DTNB: variants seen among roughly 807,000 people sequenced by gnomAD.
The protein encoded by DTNB is dystrobrevin beta.
Under a neutral mutation model 90.7 loss-of-function variants are expected in DTNB, and 63 were observed. That is an observed-to-expected ratio of 0.69 (90% CI 0.57 to 0.86). The LOEUF (loss-of-function observed/expected upper bound fraction) is 0.86, where lower values mean the gene tolerates loss of function less well. Ranked by LOEUF, DTNB falls within the 40% of genes least tolerant of loss-of-function variation. DTNB has a pLI of 0.00. For missense variants in DTNB, 744 were observed against 807.1 expected (o/e 0.92, Z 0.95); for synonymous variants, 277 against 286.7 (o/e 0.97, Z 0.34).
intron 8 of DTNB, among the ~76,000 whole-genome samples, chr2:25,554,696 A>C (rs936668090): frequency 6.6e-6 from 1 of 152,210 alleles, no homozygotes; most frequent in Non-Finnish European, 1.5e-5. Context: ...ACAGGTGTGG[A>C]TTCTATATGG....
intron 2 of DTNB, among the ~76,000 whole-genome samples, chr2:25,650,396 A>T (rs1258795252): frequency 6.6e-6 from 1 of 152,200 alleles, no homozygotes; most frequent in Non-Finnish European, 1.5e-5. Flanking sequence ...GATGACCCCT[A>T]TGCTGAGTTT....
intron 10 of DTNB, among the ~76,000 whole-genome samples, chr2:25,458,933 C>T (rs182934802): frequency 6.2e-4 from 95 of 152,282 alleles, no homozygotes; most frequent in Non-Finnish European, 8.1e-4. Flanking sequence ...GCATGAGCCA[C>T]CATGCCCAGC....
At chr2:25,639,508 G>A (rs1485907301) in intron 2 of DTNB, among the ~76,000 whole-genome samples, 4 of 151,496 alleles carry the variant, frequency 2.6e-5, no homozygotes, top group Admixed American at 6.6e-5. Flanking sequence ...GCCATGCGGC[G>A]TGCCTCTGCA....
chr2:25,603,494 C>A (rs2066355698), intron 5 of DTNB, among the ~76,000 whole-genome samples: 1 of 152,014 alleles, frequency 6.6e-6, no homozygotes, highest in South Asian at 2.1e-4. Context: ...TCTCTTAAGA[C>A]AAATCTGAAA....
intron 1 of DTNB, among the ~76,000 whole-genome samples, chr2:25,658,044 G>A (rs2082404870): frequency 6.6e-6 from 1 of 151,988 alleles, no homozygotes; most frequent in South Asian, 2.1e-4. Flanking sequence ...ATCATCTGAG[G>A]TCAGGAGTTC....
At chr2:25,487,729 T>C (rs527765214) in intron 9 of DTNB, among the ~76,000 whole-genome samples, 2 of 152,194 alleles carry the variant, frequency 1.3e-5, no homozygotes, top group South Asian at 2.1e-4. Flanking sequence ...AGAAATAGTA[T>C]GTAAAATGGC....
intron 15 of DTNB, chr2:25,426,733 A>G (rs2149881215): frequency 6.6e-6 from 1 of 152,318 alleles, no homozygotes; most frequent in South Asian, 2.1e-4. Context: ...AATTTCCATA[A>G]TAAATCCCCT....
chr2:25,476,240 T>C (rs1465511768), intron 10 of DTNB, among the ~76,000 whole-genome samples: 1 of 152,106 alleles, frequency 6.6e-6, no homozygotes, highest in Non-Finnish European at 1.5e-5. Context: ...AGCTAATTTT[T>C]GTAGTTTTAG....
At chr2:25,649,035 C>T (rs1030411322) in intron 2 of DTNB, among the ~76,000 whole-genome samples, 10 of 118,704 alleles carry the variant, frequency 8.4e-5, no homozygotes, top group Admixed American at 7.0e-4. Context: ...GACGGAGTCT[C>T]GCTCTGTCGC....
intron 8 of DTNB, among the ~76,000 whole-genome samples, chr2:25,546,245 A>G (rs1438466019): frequency 6.6e-6 from 1 of 152,230 alleles, no homozygotes; most frequent in Non-Finnish European, 1.5e-5. Context: ...ACCTTTCCCT[A>G]TAATAGACAA....
At chr2:25,629,198 C>A (rs899664194) in intron 3 of DTNB, among the ~76,000 whole-genome samples, 3 of 151,976 alleles carry the variant, frequency 2.0e-5, no homozygotes, top group South Asian at 2.1e-4. Context: ...GAAAAGAAAT[C>A]AAAACCACCA....
chr2:25,426,900 G>T (rs1158614961), intron 15 of DTNB, among the ~76,000 whole-genome samples: 2 of 152,218 alleles, frequency 1.3e-5, no homozygotes, highest in Non-Finnish European at 2.9e-5. Flanking sequence ...TTAAGGCCAG[G>T]AGCAATGGCT....
chr2:25,531,866 T>A (rs963489754), intron 8 of DTNB, among the ~76,000 whole-genome samples: 2 of 152,216 alleles, frequency 1.3e-5, no homozygotes, highest in African/African-American at 2.4e-5. Flanking sequence ...GACATCTCTA[T>A]GTACTCTTGG....
At chr2:25,506,694 T>G (rs1428418192) in intron 9 of DTNB, among the ~76,000 whole-genome samples, 2 of 152,210 alleles carry the variant, frequency 1.3e-5, no homozygotes, top group Non-Finnish European at 1.5e-5. Flanking sequence ...AATGTACAAA[T>G]ATTATGTATC....
intron 9 of DTNB, among the ~76,000 whole-genome samples, chr2:25,485,363 T>A (rs988060991): frequency 1.3e-5 from 2 of 152,154 alleles, no homozygotes; most frequent in Non-Finnish European, 2.9e-5. Flanking sequence ...TTTTTGGTAT[T>A]CTCAGAGGAA....
At chr2:25,516,751 G>T (rs975126603) in intron 9 of DTNB, among the ~76,000 whole-genome samples, 2 of 151,788 alleles carry the variant, frequency 1.3e-5, no homozygotes, top group Non-Finnish European at 2.9e-5. Flanking sequence ...TTAGCTGGGC[G>T]TGGTGGTGGG....
intron 16 of DTNB, among the ~76,000 whole-genome samples, chr2:25,401,765 C>T (rs1431712857): frequency 3.3e-5 from 5 of 152,326 alleles, no homozygotes; most frequent in African/African-American, 4.8e-5. Context: ...CCCCTCCACA[C>T]GCACACGCAA....
Position 25,596,169 on chromosome 2 carries a change from C to A in DTNB, c.520G>T (p.Val174Phe), listed in dbSNP as rs1452939684. The change falls in exon 6 of 21, where the codon GTT becomes TTT. Residue 174 changes from valine to phenylalanine, a missense_variant. By Grantham distance (50) the Val-to-Phe change is conservative. Transcript: ENST00000406818. ...FSKFDQFLKE[V>F]LKLPTAVFEG... Reference sequence around the variant, plus strand: ...AAGACAGCTGTTGGGAGCTTCAGAACTTCCTTCAGAAACTGGTCAAACTTG... The same window carrying A: ...AAGACAGCTGTTGGGAGCTTCAGAAATTCCTTCAGAAACTGGTCAAACTTG... 1 of 1,613,490 alleles carries A rather than the reference C, an allele frequency of 6.2e-7. No homozygotes were observed. The highest frequency in any genetic ancestry group is 2.2e-5 in the East Asian group (1 of 44,810).
intron 14 of DTNB, among the ~76,000 whole-genome samples, chr2:25,430,808 A>G (rs1280358676): frequency 6.6e-6 from 1 of 152,208 alleles, no homozygotes; most frequent in Admixed American, 6.5e-5. Flanking sequence ...ATGTGGGTTT[A>G]TAAGTATTCA....
Sources: gnomAD v4.1 joint callset for allele counts (sites outside exome capture counted in the v4.1 genomes callset) on GRCh38, gnomAD v4.1.1 for gene constraint, MANE v1.5 for transcripts, NCBI Gene and HGNC (gene_info 2026-07-23, HGNC 2026-07-21) for gene names.